The following PCDH15 variants were observed in gnomAD, a reference collection of about 807,000 sequenced individuals.
The protein encoded by PCDH15 is protocadherin-15.
A neutral mutation model predicts 178.5 loss-of-function variants in PCDH15; 129 were observed. The ratio of observed to expected loss-of-function variants is 0.72; its 90% CI spans 0.63 to 0.84. The LOEUF (loss-of-function observed/expected upper bound fraction) is 0.84, where lower values mean the gene tolerates loss of function less well. Ranked by LOEUF, PCDH15 falls within the 40% of genes least tolerant of loss-of-function variation. The pLI, the probability that PCDH15 is intolerant of heterozygous loss-of-function variation, is 0.00. For synonymous variants in PCDH15, 800 were observed against 732.0 expected (o/e 1.09, Z -1.50); for missense variants, 2,230 against 2,099.9 (o/e 1.06, Z -1.21).
At chr10:54,194,208 G>GAA (rs140480244) in intron 11 of PCDH15, among the ~76,000 whole-genome samples, 2 of 151,560 alleles carry the variant, frequency 1.3e-5, no homozygotes, top group Admixed American at 6.6e-5. Flanking sequence ...TTTAGAAAGA[G>GAA]AAAAAAAATC....
chr10:54,341,951 CT>C (rs1206787374), intron 6 of PCDH15, among the ~76,000 whole-genome samples: 1 of 152,082 alleles, frequency 6.6e-6, no homozygotes, highest in African/African-American at 2.4e-5. Flanking sequence ...AAGATGTGAC[CT>C]GTCTTTTTCT....
intron 2 of PCDH15, among the ~76,000 whole-genome samples, chr10:55,464,618 G>A (rs1264837513): frequency 9.7e-6 from 1 of 102,984 alleles, no homozygotes; most frequent in Non-Finnish European, 1.9e-5. Context: ...AACAGTAAAT[G>A]GGAGTAAATA....
At chr10:55,241,692 G>T (rs1841546651) in intron 1 of PCDH15, among the ~76,000 whole-genome samples, 1 of 152,004 alleles carries the variant, frequency 6.6e-6, no homozygotes, top group Non-Finnish European at 1.5e-5. Context: ...CAAAGTTCTG[G>T]GATTGCAGGT....
chr10:54,620,349 A>G (rs965519714), intron 2 of PCDH15, among the ~76,000 whole-genome samples: 2 of 152,044 alleles, frequency 1.3e-5, no homozygotes, highest in Non-Finnish European at 2.9e-5. Flanking sequence ...ATCTGATACA[A>G]TGGATTTAAT....
At chr10:54,376,342 T>A (rs1948428172) in intron 4 of PCDH15, among the ~76,000 whole-genome samples, 1 of 151,172 alleles carries the variant, frequency 6.6e-6, no homozygotes, top group South Asian at 2.1e-4. Context: ...ATATAGTTAT[T>A]TAATAATAAT....
Position 54,210,007 on chromosome 10 carries a change from G to A in PCDH15, c.1098+3929C>T, listed in dbSNP as rs146878504. Among the ~76,000 whole-genome samples, 1,113 of 152,114 alleles carry A rather than the reference G, an allele frequency of 7.3e-3. 11 individuals carry two copies. Among genetic ancestry groups the A allele is most frequent in the African/African-American group, 0.025 (1,035 of 41,522 alleles). On this transcript the variant is annotated intron_variant, in intron 10 of 37. Transcript: ENST00000644397. ...TACTGAAGGATGACACCTTGCCAGG[G>A]CATCAGGCACATCAGCACTAAGAAT...
At chr10:53,814,821 G>A (rs1366006606) in intron 35 of PCDH15, among the ~76,000 whole-genome samples, 1 of 151,972 alleles carries the variant, frequency 6.6e-6, no homozygotes, top group Non-Finnish European at 1.5e-5. Context: ...AAAATTAGCT[G>A]GGCATGGTGG....
intron 14 of PCDH15, among the ~76,000 whole-genome samples, chr10:54,138,215 G>C (rs2043061823): frequency 1.3e-5 from 2 of 152,008 alleles, no homozygotes; most frequent in Non-Finnish European, 2.9e-5. Context: ...GTTTCAGTAT[G>C]AACACTCTTG....
intron 2 of PCDH15, among the ~76,000 whole-genome samples, chr10:55,504,202 T>C (rs1840714153): frequency 6.6e-6 from 1 of 151,302 alleles, no homozygotes; most frequent in South Asian, 2.1e-4. Flanking sequence ...ATTCATCAAT[T>C]GTAAAATTAA....
At chr10:55,313,368 A>G (rs1031852660) in intron 1 of PCDH15, among the ~76,000 whole-genome samples, 22 of 152,212 alleles carry the variant, frequency 1.4e-4, no homozygotes, top group African/African-American at 4.8e-4. Flanking sequence ...TACAATTCTT[A>G]TACATTTTTT....
intron 28 of PCDH15, among the ~76,000 whole-genome samples, chr10:53,850,848 C>A (rs1454161195): frequency 1.3e-5 from 2 of 151,884 alleles, no homozygotes; most frequent in Non-Finnish European, 2.9e-5. Context: ...ATGTAATAGA[C>A]AATACAGCAA....
intron 2 of PCDH15, among the ~76,000 whole-genome samples, chr10:55,473,052 T>C (rs1041235903): frequency 6.6e-6 from 1 of 152,122 alleles, no homozygotes; most frequent in Non-Finnish European, 1.5e-5. Context: ...CTAATTCAGA[T>C]GAATAGAATA....
chr10:53,942,696 C>T (rs2086177060), intron 23 of PCDH15, among the ~76,000 whole-genome samples: 1 of 152,202 alleles, frequency 6.6e-6, no homozygotes, highest in African/African-American at 2.4e-5. Context: ...CCAACAACCA[C>T]ATGTACTTGG....
chr10:54,483,342 G>T (rs1388801447), intron 3 of PCDH15, among the ~76,000 whole-genome samples: 2 of 151,756 alleles, frequency 1.3e-5, no homozygotes, highest in Non-Finnish European at 2.9e-5. Context: ...AGTTATATTG[G>T]TGTGGGATTT....
At chr10:54,453,398 G>T (rs530728671) in intron 3 of PCDH15, among the ~76,000 whole-genome samples, 3 of 151,824 alleles carry the variant, frequency 2.0e-5, no homozygotes, top group Non-Finnish European at 2.9e-5. Flanking sequence ...GCAAACTATC[G>T]CAAGGACAAA....
At chr10:54,576,883 G>GT (rs2090525830) in intron 2 of PCDH15, among the ~76,000 whole-genome samples, 2 of 152,020 alleles carry the variant, frequency 1.3e-5, no homozygotes, top group Non-Finnish European at 2.9e-5. Flanking sequence ...TCAGACATTT[G>GT]TGAAAAAAAT....
chr10:55,293,612 C>G (rs372252786), intron 1 of PCDH15, among the ~76,000 whole-genome samples: 1 of 152,174 alleles, frequency 6.6e-6, no homozygotes, highest in South Asian at 2.1e-4. Context: ...ACCAGATACC[C>G]TAAATCATCT....
At chr10:55,184,615 A>G (rs995085231) in intron 1 of PCDH15, among the ~76,000 whole-genome samples, 1 of 152,030 alleles carries the variant, frequency 6.6e-6, no homozygotes, top group African/African-American at 2.4e-5. Context: ...CTCAAGAAGC[A>G]ATACCATCAA....
intron 6 of PCDH15, among the ~76,000 whole-genome samples, chr10:54,332,253 C>A (rs1282865475): frequency 2.4e-5 from 3 of 123,076 alleles, no homozygotes; most frequent in African/African-American, 3.0e-5. Flanking sequence ...TATATATAAT[C>A]TATATTATAT....
Sources: gnomAD v4.1 joint callset for allele counts (sites outside exome capture counted in the v4.1 genomes callset) on GRCh38, gnomAD v4.1.1 for gene constraint, MANE v1.5 for transcripts, NCBI Gene and HGNC (gene_info 2026-07-23, HGNC 2026-07-21) for gene names.